The following SSH2 variants were observed in gnomAD, a reference collection of about 807,000 sequenced individuals.
SSH2 encodes protein phosphatase Slingshot homolog 2.
In SSH2, 37 loss-of-function variants were observed where a neutral mutation model predicts 135.2. That is an observed-to-expected ratio of 0.27 (90% CI 0.21 to 0.36). SSH2 has a LOEUF of 0.36. Ranked by LOEUF, SSH2 falls within the 10% of genes least tolerant of loss-of-function variation. The pLI is 1.00. For synonymous variants in SSH2, 628 were observed against 646.2 expected (o/e 0.97, Z 0.43); for missense variants, 1,408 against 1,765.3 (o/e 0.80, Z 3.63).
At chr17:29,842,032 CCCAAA>C (rs1320497875) in intron 2 of SSH2, among the ~76,000 whole-genome samples, 1 of 151,474 alleles carries the variant, frequency 6.6e-6, no homozygotes, top group African/African-American at 2.4e-5. Context: ...CTGTCCCCAG[CCCAAA>C]CCAGTGTTCT....
intron 1 of SSH2, among the ~76,000 whole-genome samples, chr17:29,915,106 A>T (rs1424780504): frequency 2.0e-5 from 3 of 152,198 alleles, no homozygotes; most frequent in African/African-American, 7.2e-5. Context: ...TGTTCACAGA[A>T]AACTCAGTGT....
intron 2 of SSH2, chr17:29,839,173 A>G (rs546839491): frequency 1.7e-3 from 265 of 152,428 alleles, no homozygotes; most frequent in Non-Finnish European, 2.8e-3. Context: ...TACCAAGCCA[A>G]AAGATCAGGC....
intron 3 of SSH2, among the ~76,000 whole-genome samples, chr17:29,746,473 G>A (rs955026074): frequency 5.5e-5 from 8 of 146,522 alleles, no homozygotes; most frequent in East Asian, 4.0e-4. Context: ...CCTTGAACCC[G>A]GGAGGCGGAG....
chr17:29,735,167 C>T lies in SSH2; in HGVS notation c.189-32105G>A, dbSNP rs2040323663. Reference sequence around the variant, plus strand: ...TTATTTCAGTGTATTCATGAATTTCCTGGTCCAAAGCTCTGGACTAAAGGA... The same window carrying T: ...TTATTTCAGTGTATTCATGAATTTCTTGGTCCAAAGCTCTGGACTAAAGGA... On this transcript the variant is annotated intron_variant, in intron 3 of 15. Transcript: ENST00000540801. Among the ~76,000 whole-genome samples, 3 of 152,136 alleles carry T rather than the reference C, an allele frequency of 2.0e-5. No homozygotes were observed. The South Asian group carries it at 6.2e-4, about 32-fold the overall frequency.
chr17:29,864,357 T>C (rs1367109867), intron 1 of SSH2: 1 of 150,892 alleles, frequency 6.6e-6, no homozygotes, highest in Non-Finnish European at 1.5e-5. Context: ...ATTAAAAAAA[T>C]ACTAAAAGAA....
chr17:29,707,499 A>C (rs974014385), intron 3 of SSH2, among the ~76,000 whole-genome samples: 1 of 152,146 alleles, frequency 6.6e-6, no homozygotes, highest in Non-Finnish European at 1.5e-5. Flanking sequence ...TGATGGAACA[A>C]ATTGTACAAG....
intron 3 of SSH2, among the ~76,000 whole-genome samples, chr17:29,781,078 T>A (rs1051101302): frequency 7.2e-5 from 11 of 152,222 alleles, no homozygotes; most frequent in Non-Finnish European, 1.2e-4. Flanking sequence ...CCCAAAGTGC[T>A]GGGATTACAG....
chr17:29,764,168 C>G (rs2041391433), intron 3 of SSH2, among the ~76,000 whole-genome samples: 1 of 152,128 alleles, frequency 6.6e-6, no homozygotes, highest in Non-Finnish European at 1.5e-5. Context: ...CCAGGCTGGT[C>G]TCGAACTCCT....
intron 4 of SSH2, among the ~76,000 whole-genome samples, chr17:29,698,952 T>C (rs1164601182): frequency 6.6e-6 from 1 of 152,208 alleles, no homozygotes; most frequent in Non-Finnish European, 1.5e-5. Context: ...GCTGGCTTAT[T>C]TGAAGCTCAG....
chr17:29,646,577 G>A (rs894530272), intron 14 of SSH2, among the ~76,000 whole-genome samples: 2 of 152,102 alleles, frequency 1.3e-5, no homozygotes, highest in African/African-American at 4.8e-5. Context: ...TCAACTCACT[G>A]CAACCTCCGT....
At chr17:29,882,511 G>T (rs1003460396) in intron 1 of SSH2, among the ~76,000 whole-genome samples, 1 of 114,320 alleles carries the variant, frequency 8.7e-6, no homozygotes, top group African/African-American at 2.7e-5. Flanking sequence ...CAGCACTTTG[G>T]GGGAGGCCTA....
chr17:29,760,913 A>G (rs1179066214), intron 3 of SSH2, among the ~76,000 whole-genome samples: 1 of 151,988 alleles, frequency 6.6e-6, no homozygotes, highest in African/African-American at 2.4e-5. Context: ...TTAAACGGAA[A>G]TTCTCCCAAA....
intron 3 of SSH2, among the ~76,000 whole-genome samples, chr17:29,736,851 G>GCA (rs1280617157): frequency 8.0e-6 from 1 of 125,372 alleles, no homozygotes; most frequent in Non-Finnish European, 1.6e-5. Context: ...TGTAATCTCA[G>GCA]CACTTTGGGA....
chr17:29,875,160 G>C (rs987115475), intron 1 of SSH2, among the ~76,000 whole-genome samples: 2 of 152,160 alleles, frequency 1.3e-5, no homozygotes, highest in South Asian at 4.1e-4. Context: ...TCCAATGACA[G>C]TCTCACAGTC....
intron 1 of SSH2, among the ~76,000 whole-genome samples, chr17:29,908,763 GAAAAAA>G (rs60242323): frequency 3.9e-5 from 2 of 50,880 alleles, no homozygotes; most frequent in African/African-American, 1.0e-4. Context: ...GACTCCATCT[GAAAAAA>G]AAAAAAAAAA....
intron 14 of SSH2, chr17:29,645,315 G>C (rs2036327338): frequency 1.3e-5 from 2 of 152,110 alleles, no homozygotes; most frequent in South Asian, 4.1e-4. Flanking sequence ...CAAATTCTGT[G>C]CTTTTCTCTC....
At chr17:29,684,210 G>A (rs1028044165) in intron 6 of SSH2, among the ~76,000 whole-genome samples, 26 of 152,106 alleles carry the variant, frequency 1.7e-4, no homozygotes, top group African/African-American at 3.6e-4. Context: ...GGCCAGGCAC[G>A]GTGGCTCACG....
intron 1 of SSH2, among the ~76,000 whole-genome samples, chr17:29,853,601 T>A (rs2065607324): frequency 6.6e-6 from 1 of 151,946 alleles, no homozygotes; most frequent in Non-Finnish European, 1.5e-5. Flanking sequence ...GTCAAACTCA[T>A]ATTCTTGCAT....
chr17:29,880,044 G>T (rs756546249), intron 1 of SSH2, among the ~76,000 whole-genome samples: 2 of 152,196 alleles, frequency 1.3e-5, no homozygotes, highest in Non-Finnish European at 2.9e-5. Context: ...CTGCTAGGAT[G>T]AACAGCCTTC....
Sources: gnomAD v4.1 joint callset for allele counts (sites outside exome capture counted in the v4.1 genomes callset) on GRCh38, gnomAD v4.1.1 for gene constraint, MANE v1.5 for transcripts, NCBI Gene and HGNC (gene_info 2026-07-23, HGNC 2026-07-21) for gene names.